The following CEACAM7 variants were observed in gnomAD, a reference collection of about 807,000 sequenced individuals.
CEACAM7 encodes cell adhesion molecule CEACAM7.
A neutral mutation model predicts 25.7 loss-of-function variants in CEACAM7; 24 were observed. That is an observed-to-expected ratio of 0.93 (90% CI 0.68 to 1.31). The LOEUF is 1.31. Among genes scored for constraint, CEACAM7 ranks in the 40% most tolerant of loss-of-function variants. The probability of loss-of-function intolerance (pLI) is 0.00; values close to 1 mark genes in which losing one functional copy is unlikely to be tolerated. For missense variants in CEACAM7, 324 were observed against 330.1 expected, an observed-to-expected ratio of 0.98 and a Z score of 0.14; for synonymous variants, 144 against 129.4, an observed-to-expected ratio of 1.11 and a Z score of -0.77.
At chr19:41,677,960 C>T (rs143748647) in intron 3 of CEACAM7, among the ~76,000 whole-genome samples, 1 of 152,300 alleles carries the variant, frequency 6.6e-6, no homozygotes, top group Non-Finnish European at 1.5e-5. Context: ...GACTATTTTG[C>T]TCTGAAAGGT....
At chr19:41,688,074 A>T in intron 1 of CEACAM7, 28 bp downstream of exon 1, 1 of 1,597,240 alleles carries the variant, frequency 6.3e-7, no homozygotes, top group South Asian at 1.1e-5. Context: ...CCCTCCTCCC[A>T]CCCACTCCCA....
At chr19:41,680,956 G>A (rs1266173044) in intron 3 of CEACAM7, among the ~76,000 whole-genome samples, 7 of 151,650 alleles carry the variant, frequency 4.6e-5, no homozygotes, top group East Asian at 1.9e-4. Flanking sequence ...CTACATCAAA[G>A]GACATTATCC....
Position 41,688,092 on chromosome 19 carries a change from C to T in CEACAM7, c.64+10G>A, listed in dbSNP as rs1555811423. On this transcript the variant is annotated intron_variant, in intron 1 of 4. Coordinates refer to ENST00000401731, the MANE Select transcript of CEACAM7 (RefSeq NM_001291485.2). ...TCCTCCCACCCACTCCCAGGAAGTC[C>T]TCCCCTCACCTGTGAGCAGGAGCCC... is the stretch of plus-strand genomic sequence containing the variant. 1.2e-6 allele frequency: 2 copies of T among 1,607,968 alleles called. No individual in the cohort carries two copies. The highest frequency in any genetic ancestry group is 1.7e-5 in the Admixed American group (1 of 59,494).
intron 2 of CEACAM7, among the ~76,000 whole-genome samples, chr19:41,684,383 C>A (rs557711000): frequency 3.9e-5 from 6 of 152,294 alleles, no homozygotes; most frequent in African/African-American, 1.4e-4. Flanking sequence ...GCCTACCTGG[C>A]CCTTTGGGGT....
rs782197873 is a variant in CEACAM7 at position 41,673,452 on chromosome 19, T to C, written c.*1324A>G. On this transcript the variant is annotated 3_prime_UTR_variant, in exon 5 of 5. Transcript: ENST00000401731. ...CCAGGAACAGAAGAATATAAATAAA[T>C]TGATTTAAATAAACTGATTGGTTAA... 11 of 152,206 alleles carry C rather than the reference T, an allele frequency of 7.2e-5. No individual in the cohort carries two copies. The highest frequency in any genetic ancestry group is 1.6e-4 in the Non-Finnish European group (11 of 68,026). 9.4% of individuals were successfully genotyped at this position (152,206 alleles called of 1,614,324 possible).
At chr19:41,681,957 T>A (rs1465196086) in intron 3 of CEACAM7, among the ~76,000 whole-genome samples, 1 of 152,108 alleles carries the variant, frequency 6.6e-6, no homozygotes, top group Non-Finnish European at 1.5e-5. Context: ...AAACCATACT[T>A]TTTTTGGAGA....
In CEACAM7 at chr19:41,687,202, C is replaced by A. The variant is rs782814627; in HGVS notation, c.84G>T (p.Trp28Cys). The change falls in exon 2 of 5, where the codon TGG (tryptophan) becomes TGT (cysteine). Residue 28 changes from tryptophan to cysteine, a missense_variant. Physicochemically the swap from Trp to Cys is radical, Grantham distance 215. Transcript: ENST00000401731. ...TGGTCTGGGCACTGTTTGGCAGGTT[C>A]CAGAAGGTTAAAAGCGAGGCTAGGA... ...LLLTASLLTF[W>C]NLPNSAQTNI... 5.6e-6 allele frequency: 9 copies of A among 1,605,124 alleles called. No individual in the cohort carries two copies. Among genetic ancestry groups the A allele is most frequent in the Non-Finnish European group, 7.7e-6 (9 of 1,174,834 alleles).
At chr19:41,679,198 TAGTA>T (rs1408705820) in intron 3 of CEACAM7, among the ~76,000 whole-genome samples, 2 of 152,112 alleles carry the variant, frequency 1.3e-5, no homozygotes, top group Admixed American at 6.5e-5. Context: ...TTTACAGAAA[TAGTA>T]AGTGTTATGA....
chr19:41,688,139 G>C lies in CEACAM7; in HGVS notation c.27C>G (p.Tyr9Ter). 1.2e-6 allele frequency: 2 copies of C among 1,612,136 alleles called. No homozygotes were observed. The highest frequency in any genetic ancestry group is 1.7e-6 in the Non-Finnish European group (2 of 1,178,878). The stretch of plus-strand genomic sequence containing the variant: ...GCCCCTGCCAGGGAATGCACACTCT[G>C]TATGGACAGGCTGAAGGGGACCCCA... MGSPSACP[Y>*]RVCIPWQGLL... is the part of the protein sequence containing the mutation. Residue 9 changes from tyrosine to a stop codon, truncating the protein, a stop_gained, in exon 1 of 5, where the codon TAC becomes TAG. Coordinates refer to ENST00000401731, the MANE Select transcript of CEACAM7 (RefSeq NM_001291485.2). LOFTEE classifies it high-confidence loss of function.
chr19:41,677,121 G>A (rs2072121745), intron 4 of CEACAM7, among the ~76,000 whole-genome samples: 1 of 152,186 alleles, frequency 6.6e-6, no homozygotes, highest in Non-Finnish European at 1.5e-5. Flanking sequence ...GGACCAAGAA[G>A]CTTTCACAAT....
chr19:41,682,383 C>T lies in CEACAM7; in HGVS notation c.706+1402G>A, dbSNP rs77164075. On this transcript the variant is annotated intron_variant, in intron 3 of 4. Coordinates refer to ENST00000401731, the MANE Select transcript of CEACAM7 (RefSeq NM_001291485.2). The stretch of plus-strand genomic sequence containing the variant: ...GCCCCTTCCCTCCCTTGCAGAGTCC[C>T]GGTGGCTGAATCTCCCTATTTGTCC... Among the ~76,000 whole-genome samples the T allele has an allele frequency of 4.9e-3, 749 of 152,242 alleles. 4 individuals carry two copies. Among genetic ancestry groups the T allele is most frequent in the African/African-American group, 0.017 (714 of 41,522 alleles).
At chr19:41,678,630 G>C (rs2072141379) in intron 3 of CEACAM7, among the ~76,000 whole-genome samples, 1 of 152,098 alleles carries the variant, frequency 6.6e-6, no homozygotes, top group African/African-American at 2.4e-5. Context: ...GCTTAGAGTG[G>C]TGAAAAAACT....
At chr19:41,682,604 C>T (rs1412667940) in intron 3 of CEACAM7, among the ~76,000 whole-genome samples, 2 of 152,198 alleles carry the variant, frequency 1.3e-5, no homozygotes, top group African/African-American at 4.8e-5. Context: ...GCCCAAGCAC[C>T]TTCTCCACAC....
rs1159714029 is a variant in CEACAM7 at position 41,673,578 on chromosome 19, A to ATTTTGTCTG, written c.*1189_*1197dup. On this transcript the variant is annotated 3_prime_UTR_variant, in exon 5 of 5. Coordinates refer to ENST00000401731, the MANE Select transcript of CEACAM7 (RefSeq NM_001291485.2). Reference sequence around the variant, plus strand: ...CCTGGACTCTCATGTTTTTAGGAAAATTTTGTCTGTTCTGGGATCTACCTG... The same window carrying ATTTTGTCTG: ...CCTGGACTCTCATGTTTTTAGGAAAATTTTGTCTGTTTTGTCTGTTCTGGGATCTACCTG... 2.0e-5 allele frequency: 3 copies of ATTTTGTCTG among 152,154 alleles called. No individual in the cohort carries two copies. Among genetic ancestry groups the ATTTTGTCTG allele is most frequent in the Non-Finnish European group, 4.4e-5 (3 of 68,034 alleles). 9.4% of individuals were successfully genotyped at this position (152,154 alleles called of 1,614,324 possible).
rs1419528045 is a variant in CEACAM7 at position 41,673,769 on chromosome 19, C to T, written c.*1007G>A. 1.3e-5 allele frequency: 2 copies of T among 152,202 alleles called. No homozygotes were observed. Among genetic ancestry groups the T allele is most frequent in the African/African-American group, 2.4e-5 (1 of 41,442 alleles). The allele number at this position is 152,202 out of a possible 1,614,324, so 9.4% of individuals were successfully genotyped here. A position where few individuals can be genotyped will look rare whatever the true frequency, so the allele number is the denominator to read the frequency against. ...ATCATTCATAGGTTATGATGTCCTC[C>T]TAATCATACATTTATTTGAGTTTTT... On this transcript the variant is annotated 3_prime_UTR_variant, in exon 5 of 5. Transcript: ENST00000401731.
Position 41,687,198 on chromosome 19 carries a change from G to C in CEACAM7, c.88C>G (p.Leu30Val), listed in dbSNP as rs782154159. 6.2e-7 allele frequency: 1 copy of C among 1,605,820 alleles called. No homozygotes were observed. The highest frequency in any genetic ancestry group is 1.7e-5 in the Admixed American group (1 of 58,896). Residue 30 changes from leucine (L) to valine (V), a missense_variant, in exon 2 of 5, where the codon CTG (leucine) becomes GTG (valine). Leu to Val is a conservative substitution (Grantham distance 32). Coordinates refer to ENST00000401731, the MANE Select transcript of CEACAM7 (RefSeq NM_001291485.2). ...LTASLLTFWN[L>V]PNSAQTNIDV... is the part of the protein sequence containing the mutation. ...ATATTGGTCTGGGCACTGTTTGGCA[G>C]GTTCCAGAAGGTTAAAAGCGAGGCT...
chr19:41,680,426 CAT>C (rs2072163174), intron 3 of CEACAM7, among the ~76,000 whole-genome samples: 1 of 152,020 alleles, frequency 6.6e-6, no homozygotes, highest in Non-Finnish European at 1.5e-5. Flanking sequence ...TCCTAAAATT[CAT>C]ATAGAGTCTC....
intron 4 of CEACAM7, among the ~76,000 whole-genome samples, chr19:41,675,844 T>C (rs1015763703): frequency 6.6e-6 from 1 of 152,236 alleles, no homozygotes; most frequent in African/African-American, 2.4e-5. Flanking sequence ...AAATCTCATA[T>C]AATTTTTGAA....
intron 3 of CEACAM7, among the ~76,000 whole-genome samples, chr19:41,678,406 T>C (rs2122717917): frequency 6.6e-6 from 1 of 152,210 alleles, no homozygotes; most frequent in African/African-American, 2.4e-5. Context: ...CATGTATATA[T>C]AATACCTTCT....
Sources: allele counts gnomAD v4.1 joint callset (sites outside exome capture counted in the v4.1 genomes callset), GRCh38; gene constraint gnomAD v4.1.1; transcripts MANE v1.5; gene names NCBI Gene and HGNC (gene_info 2026-07-23, HGNC 2026-07-21).